Variants in CYP39A1 observed in about 807,000 individuals in gnomAD.
CYP39A1 encodes the protein 24-hydroxycholesterol 7-alpha-hydroxylase.
In CYP39A1, 49 loss-of-function variants were observed where a neutral mutation model predicts 58.1. The ratio of observed to expected loss-of-function variants is 0.84; its 90% CI spans 0.67 to 1.07. CYP39A1 has a LOEUF of 1.07. Ranked by LOEUF, CYP39A1 falls within the 50% of genes least tolerant of loss-of-function variation. The pLI is 0.00. For missense variants in CYP39A1, 531 were observed against 539.4 expected, an observed-to-expected ratio of 0.98 and a Z score of 0.16; for synonymous variants, 209 against 187.6, an observed-to-expected ratio of 1.11 and a Z score of -0.93.
At chr6:46,627,153 G>A (rs962420007) in intron 6 of CYP39A1, among the ~76,000 whole-genome samples, 1 of 152,082 alleles carries the variant, frequency 6.6e-6, no homozygotes, top group Non-Finnish European at 1.5e-5. Flanking sequence ...CTATCACAAG[G>A]ACAGCCTGGG....
intron 7 of CYP39A1, among the ~76,000 whole-genome samples, chr6:46,607,380 CAT>C (rs1190071401): frequency 6.0e-5 from 9 of 149,094 alleles, no homozygotes; most frequent in Non-Finnish European, 8.9e-5. Flanking sequence ...AAAAAAAGAA[CAT>C]GAGTCAAATA....
chr6:46,612,678 C>T (rs1774286287), intron 7 of CYP39A1, among the ~76,000 whole-genome samples: 1 of 152,194 alleles, frequency 6.6e-6, no homozygotes, highest in African/African-American at 2.4e-5. Flanking sequence ...TGTCAGGCTA[C>T]TGGTGGGAAT....
chr6:46,560,533 T>C (rs1035185395), intron 10 of CYP39A1, among the ~76,000 whole-genome samples: 4 of 151,740 alleles, frequency 2.6e-5, no homozygotes, highest in African/African-American at 4.8e-5. Flanking sequence ...GAAGAGGAGG[T>C]TGAGGGAATT....
At chr6:46,560,467 T>G (rs1390214843) in intron 10 of CYP39A1, among the ~76,000 whole-genome samples, 1 of 152,202 alleles carries the variant, frequency 6.6e-6, no homozygotes, top group African/African-American at 2.4e-5. Context: ...AGTTTTCGAC[T>G]TGAGGAAATG....
intron 5 of CYP39A1, among the ~76,000 whole-genome samples, chr6:46,631,489 T>G (rs1441441569): frequency 1.3e-5 from 2 of 152,232 alleles, no homozygotes; most frequent in Non-Finnish European, 1.5e-5. Flanking sequence ...GGATCTCTAC[T>G]TTACCAAACT....
rs559855517 is a variant in CYP39A1 at position 46,625,042 on chromosome 6, T to C, written c.931+376A>G. On this transcript the variant is annotated intron_variant, in intron 7 of 11. Transcript: ENST00000275016. Reference sequence around the variant, plus strand: ...GGGCTCTTATGTAATATATGGAATATACCCTTATTACTTTTATAAAATCTG... The same window carrying C: ...GGGCTCTTATGTAATATATGGAATACACCCTTATTACTTTTATAAAATCTG... Among the ~76,000 whole-genome samples the C allele has an allele frequency of 6.6e-5, 10 of 152,298 alleles. No homozygotes were observed. The East Asian group carries it at 1.9e-3, about 29-fold the overall frequency.
intron 10 of CYP39A1, among the ~76,000 whole-genome samples, chr6:46,560,054 G>C (rs1770891395): frequency 6.6e-6 from 1 of 152,160 alleles, no homozygotes; most frequent in African/African-American, 2.4e-5. Flanking sequence ...AAATATTTTA[G>C]AGAAGGAAGG....
At chr6:46,616,911 G>C (rs910471144) in intron 7 of CYP39A1, among the ~76,000 whole-genome samples, 1 of 152,112 alleles carries the variant, frequency 6.6e-6, no homozygotes, top group Non-Finnish European at 1.5e-5. Flanking sequence ...AGAGAGAAAA[G>C]AGCCAGTGGA....
intron 7 of CYP39A1, among the ~76,000 whole-genome samples, chr6:46,616,831 CTT>C (rs1209139055): frequency 1.3e-5 from 2 of 152,122 alleles, no homozygotes; most frequent in African/African-American, 4.8e-5. Flanking sequence ...CATTTGAAGG[CTT>C]TAGATTTCAT....
chr6:46,590,840 T>C (rs1772789163), intron 8 of CYP39A1, among the ~76,000 whole-genome samples: 1 of 152,176 alleles, frequency 6.6e-6, no homozygotes, highest in African/African-American at 2.4e-5. Context: ...TGTTTTCCCT[T>C]TTTATTGTAT....
chr6:46,626,881 G>A (rs1361422338), intron 6 of CYP39A1, among the ~76,000 whole-genome samples: 1 of 152,038 alleles, frequency 6.6e-6, no homozygotes, highest in African/African-American at 2.4e-5. Flanking sequence ...AGTTCATGTT[G>A]GGGAAAAAAA....
At chr6:46,639,342 A>C in intron 3 of CYP39A1, 152 bp downstream of exon 3, 1 of 671,250 alleles carries the variant, frequency 1.5e-6, no homozygotes, top group Non-Finnish European at 2.3e-6. Context: ...TCTCAAAAAA[A>C]AATAATTTAA....
intron 10 of CYP39A1, among the ~76,000 whole-genome samples, chr6:46,559,080 T>C (rs181609281): frequency 1.4e-5 from 2 of 148,020 alleles, no homozygotes; most frequent in African/African-American, 5.3e-5. Flanking sequence ...CAATCAACCA[T>C]TCATTCAGTA....
At chr6:46,630,429 CT>C (rs1017631252) in intron 6 of CYP39A1, among the ~76,000 whole-genome samples, 2 of 152,060 alleles carry the variant, frequency 1.3e-5, no homozygotes, top group African/African-American at 4.8e-5. Flanking sequence ...TACATTATCC[CT>C]TTTTTTACCC....
intron 10 of CYP39A1, 67 bp downstream of exon 10, chr6:46,587,010 G>C (rs918878735): frequency 3.7e-6 from 4 of 1,074,838 alleles, no homozygotes; most frequent in Admixed American, 2.1e-5. Flanking sequence ...AGCCAAAGTT[G>C]TTCCCCTCTG....
At position 46,616,197 on chromosome 6, in the gene CYP39A1, TCCCTCCCTCCCTCCCTCCCTCCCTCCC is replaced by T. The variant is rs1774575309; in HGVS notation, c.931+9194_931+9220del. Reference sequence around the variant, plus strand: ...TTTCTTTCTTTCTTTCTTCTTTCCCTCCCTCCCTCCCTCCCTCCCTCCCTCCCTCCCTCCCTCCCTCCCTCCCTTCCT... The same window carrying T: ...TTTCTTTCTTTCTTTCTTCTTTCCCTTCCCTCCCTCCCTCCCTCCCTTCCT... On this transcript the variant is annotated intron_variant, in intron 7 of 11. Coordinates refer to ENST00000275016, the MANE Select transcript of CYP39A1 (RefSeq NM_016593.5). Among the ~76,000 whole-genome samples the T allele has an allele frequency of 3.9e-3, 5 of 1,290 alleles. 1 individual carries two copies. The highest frequency in any genetic ancestry group is 0.013 in the African/African-American group (5 of 376). The allele number at this position is 1,290 out of a possible 152,430, so 0.8% of individuals were successfully genotyped here. A position where few individuals can be genotyped will look rare whatever the true frequency, so the allele number is the denominator to read the frequency against.
At chr6:46,563,790 T>C (rs568054799) in intron 10 of CYP39A1, among the ~76,000 whole-genome samples, 1 of 151,166 alleles carries the variant, frequency 6.6e-6, no homozygotes, top group Non-Finnish European at 1.5e-5. Context: ...AGGGGAGGAG[T>C]GGACACTCTG....
intron 1 of CYP39A1, among the ~76,000 whole-genome samples, chr6:46,650,629 G>A (rs1336350789): frequency 2.7e-5 from 4 of 150,556 alleles, no homozygotes; most frequent in African/African-American, 4.9e-5. Context: ...TCAGCCTCTC[G>A]AGGAGCTGGG....
chr6:46,614,164 A>G (rs1774392876), intron 7 of CYP39A1, among the ~76,000 whole-genome samples: 1 of 152,170 alleles, frequency 6.6e-6, no homozygotes, highest in Admixed American at 6.5e-5. Flanking sequence ...CTGTGGATAC[A>G]ATAATATTCA....
Sources: gnomAD v4.1 joint callset for allele counts (sites outside exome capture counted in the v4.1 genomes callset) on GRCh38, gnomAD v4.1.1 for gene constraint, MANE v1.5 for transcripts, NCBI Gene and HGNC (gene_info 2026-07-23, HGNC 2026-07-21) for gene names.